Variants in TFCP2L1 observed in about 807,000 individuals in gnomAD.
TFCP2L1 encodes the protein transcription factor CP2-like protein 1.
Under a neutral mutation model 72.2 loss-of-function variants are expected in TFCP2L1, and 12 were observed. The ratio of observed to expected loss-of-function variants is 0.17; its 90% confidence interval spans 0.11 to 0.27. TFCP2L1 has a LOEUF of 0.27. Among genes scored for constraint, TFCP2L1 ranks in the 10% least tolerant of loss-of-function variants. TFCP2L1 has a pLI of 1.00. For synonymous variants in TFCP2L1, 260 were observed against 251.0 expected (o/e 1.04, Z -0.34); for missense variants, 488 against 624.6 (o/e 0.78, Z 2.33).
At chr2:121,236,041 C>G (rs1686242382) in intron 10 of TFCP2L1, among the ~76,000 whole-genome samples, 1 of 152,310 alleles carries the variant, frequency 6.6e-6, no homozygotes, top group East Asian at 1.9e-4. Context: ...TCTGGCTTCC[C>G]TCCCCGCAAG....
intron 2 of TFCP2L1, among the ~76,000 whole-genome samples, chr2:121,278,619 G>C (rs1687194271): frequency 6.6e-6 from 1 of 151,420 alleles, no homozygotes; most frequent in Non-Finnish European, 1.5e-5. Flanking sequence ...CCAGGAGGCA[G>C]AGGTTGCAGT....
chr2:121,240,204 A>G, intron 7 of TFCP2L1: 10 of 985,278 alleles, frequency 1.0e-5, no homozygotes, highest in Non-Finnish European at 1.2e-5. Flanking sequence ...ATTCCATTTC[A>G]GGCATTCTGC....
At chr2:121,276,706 G>GTTTTC (rs1252055017) in intron 2 of TFCP2L1, among the ~76,000 whole-genome samples, 1 of 151,166 alleles carries the variant, frequency 6.6e-6, no homozygotes, top group Non-Finnish European at 1.5e-5. Context: ...GATAAAGGTA[G>GTTTTC]GAAAAGTCAG....
intron 13 of TFCP2L1, among the ~76,000 whole-genome samples, chr2:121,231,211 C>T (rs1686136982): frequency 6.6e-6 from 1 of 152,210 alleles, no homozygotes; most frequent in Admixed American, 6.5e-5. Flanking sequence ...GGAAGGGGTC[C>T]AGGATAGAAC....
intron 1 of TFCP2L1, among the ~76,000 whole-genome samples, chr2:121,283,008 G>A (rs1465132422): frequency 6.6e-6 from 1 of 152,140 alleles, no homozygotes; most frequent in Non-Finnish European, 1.5e-5. Context: ...TCAGAGCAGG[G>A]CACACTCCCA....
chr2:121,248,522 G>T (rs1686536492), intron 4 of TFCP2L1, among the ~76,000 whole-genome samples: 1 of 152,128 alleles, frequency 6.6e-6, no homozygotes, highest in African/African-American at 2.4e-5. Context: ...CTGCCTGTTG[G>T]AGATGTTCCC....
chr2:121,246,115 TG>T (rs1686475472), intron 6 of TFCP2L1, among the ~76,000 whole-genome samples: 2 of 152,104 alleles, frequency 1.3e-5, no homozygotes, highest in Non-Finnish European at 2.9e-5. Context: ...CTGGGGACTG[TG>T]GGGCTGGGGC....
intron 2 of TFCP2L1, among the ~76,000 whole-genome samples, chr2:121,252,209 T>C (rs1686626912): frequency 1.3e-5 from 2 of 152,166 alleles, no homozygotes; most frequent in South Asian, 4.1e-4. Context: ...CCAGCATGCC[T>C]GGCTAATTTT....
chr2:121,226,009 C>T (rs1204891137), intron 13 of TFCP2L1, among the ~76,000 whole-genome samples: 1 of 139,588 alleles, frequency 7.2e-6, no homozygotes, highest in Non-Finnish European at 1.6e-5. Context: ...CGGTAAACAC[C>T]ACTGCCACGG....
rs1281546861 is a variant in TFCP2L1 at position 121,242,479 on chromosome 2, G to C, written c.658-10C>G. On this transcript the variant is annotated splice_polypyrimidine_tract_variant and intron_variant, in intron 6 of 14. Coordinates refer to ENST00000263707, the MANE Select transcript of TFCP2L1 (RefSeq NM_014553.3). ...GATCGGCTCCCTTCGGCTGCGAGCA[G>C]AGTACAGAGTCCAATCAGCCCAAAA... 6.2e-7 allele frequency: 1 copy of C among 1,613,360 alleles called. No homozygotes were observed. The highest frequency in any genetic ancestry group is 8.5e-7 in the Non-Finnish European group (1 of 1,179,690).
At chr2:121,238,644 G>C (rs1686300021) in intron 8 of TFCP2L1, among the ~76,000 whole-genome samples, 1 of 152,126 alleles carries the variant, frequency 6.6e-6, no homozygotes, top group South Asian at 2.1e-4. Flanking sequence ...AGTGTCTACA[G>C]GGTGCAAGCA....
In TFCP2L1 at chr2:121,221,929, T is replaced by C. The variant is rs1685936146; in HGVS notation, c.*2412A>G. 1 of 150,022 alleles carries C rather than the reference T, an allele frequency of 6.7e-6. No individual in the cohort carries two copies. The highest frequency in any genetic ancestry group is 2.2e-4 in the South Asian group (1 of 4,590). The allele number at this position is 150,022 out of a possible 1,614,324, so 9.3% of individuals were successfully genotyped here. On this transcript the variant is annotated 3_prime_UTR_variant, in exon 15 of 15. Transcript: ENST00000263707. ...TAATAAAAAGAAGGCTCATCCCTGGTAGTCTAGTGGTTAGGAAAACAGAAA... is the reference window on the plus strand; with the variant it reads ...TAATAAAAAGAAGGCTCATCCCTGGCAGTCTAGTGGTTAGGAAAACAGAAA...
intron 2 of TFCP2L1, among the ~76,000 whole-genome samples, chr2:121,274,431 T>G (rs929460062): frequency 6.6e-6 from 1 of 152,196 alleles, no homozygotes; most frequent in African/African-American, 2.4e-5. Flanking sequence ...GTACACAAGC[T>G]TTGTTTTATA....
chr2:121,240,012 C>A, intron 7 of TFCP2L1: 1 of 982,986 alleles, frequency 1.0e-6, no homozygotes, highest in Non-Finnish European at 1.2e-6. Context: ...CTGGGAGAGA[C>A]AAATTCGTGT....
At chr2:121,270,213 A>C (rs1456011276) in intron 2 of TFCP2L1, among the ~76,000 whole-genome samples, 2 of 152,196 alleles carry the variant, frequency 1.3e-5, no homozygotes, top group Admixed American at 1.3e-4. Context: ...AAAGAAAAAC[A>C]GACCTTCTTC....
rs1022123473 is a variant in TFCP2L1, at chr2:121,246,729, T to C, written c.657+89A>G. 1.2e-4 allele frequency: 184 copies of C among 1,549,718 alleles called. 1 individual carries two copies. The highest frequency in any genetic ancestry group is 1.6e-4 in the Non-Finnish European group (182 of 1,135,294). Reference sequence around the variant, plus strand: ...GATGCTGCGTTCCTCGCTGGGCCTGTAAGAGGAAACTCCAGGGTCTCTGTG... The same window carrying C: ...GATGCTGCGTTCCTCGCTGGGCCTGCAAGAGGAAACTCCAGGGTCTCTGTG... On this transcript the variant is annotated intron_variant, in intron 6 of 14. Transcript: ENST00000263707.
chr2:121,227,228 A>G (rs1686047366), intron 13 of TFCP2L1, among the ~76,000 whole-genome samples: 1 of 152,258 alleles, frequency 6.6e-6, no homozygotes, highest in Admixed American at 6.5e-5. Context: ...GTTGGCTGTT[A>G]TGAAATCAGT....
At chr2:121,242,891 G>A (rs1042390767) in intron 6 of TFCP2L1, among the ~76,000 whole-genome samples, 3 of 152,144 alleles carry the variant, frequency 2.0e-5, no homozygotes, top group Non-Finnish European at 4.4e-5. Context: ...CAGGACTCCC[G>A]CTAAGCCCCA....
chr2:121,238,289 A>G (rs1014810836), intron 8 of TFCP2L1, among the ~76,000 whole-genome samples: 6 of 152,182 alleles, frequency 3.9e-5, no homozygotes, highest in Non-Finnish European at 8.8e-5. Flanking sequence ...TCAGGTGGTG[A>G]GGGGAGAGGG....
Sources: gnomAD v4.1 joint callset for allele counts (sites outside exome capture counted in the v4.1 genomes callset) on GRCh38, gnomAD v4.1.1 for gene constraint, MANE v1.5 for transcripts, NCBI Gene and HGNC (gene_info 2026-07-23, HGNC 2026-07-21) for gene names.